The following PRCD variants were observed in gnomAD, a reference collection of about 807,000 sequenced individuals.
PRCD encodes the protein photoreceptor disk component PRCD.
In PRCD, 12 loss-of-function variants were observed where a neutral mutation model predicts 10.1. The ratio of observed to expected loss-of-function variants is 1.18; its 90% CI spans 0.76 to 1.92. The LOEUF (loss-of-function observed/expected upper bound fraction) is 1.92, where lower values mean the gene tolerates loss of function less well. Ranked by LOEUF, PRCD falls within the 40% of genes most tolerant of loss-of-function variation. PRCD has a pLI of 0.00. For missense variants in PRCD, 61 were observed against 72.2 expected, an observed-to-expected ratio of 0.84 and a Z score of 0.56; for synonymous variants, 31 against 26.2, an observed-to-expected ratio of 1.18 and a Z score of -0.56.
Position 76,528,990 on chromosome 17 carries a change from A to T in PRCD, n.45+1157A>T, listed in dbSNP as rs982014811. On this transcript the variant is annotated intron_variant and non_coding_transcript_variant, in intron 1 of 4. Transcript: ENST00000397633. This position sits in a 1 kb window ranked among gnomAD's most constrained non-coding sequence, Gnocchi z 5.8. ...GGCCTGTCTCGTCCCTCCTCGGGCC[A>T]CCCATCTGTATTCTCGTATTCTCGG... 5.0e-6 allele frequency: 5 copies of T among 1,009,004 alleles called. No individual in the cohort carries two copies. The African/African-American group carries it at 8.6e-5, about 17-fold the overall frequency. 62.5% of individuals were successfully genotyped at this position (1,009,004 alleles called of 1,614,324 possible).
chr17:76,543,007 C>A lies in PRCD; in HGVS notation c.*60-22C>A, dbSNP rs189989055. On this transcript the variant is annotated intron_variant, in intron 3 of 4. Coordinates refer to ENST00000592014, the MANE Select transcript of PRCD (RefSeq NM_001077620.3). ...CCCCAGGTGTGGGAGAAGTGCTGAT[C>A]TGCTCTGGTTTTCTGTTTCAGCTCA... is the stretch of plus-strand genomic sequence containing the variant. 6.2e-6 allele frequency: 3 copies of A among 484,004 alleles called. No homozygotes were observed. In the Admixed American group the frequency reaches 7.0e-5, roughly 11 times the overall value. The allele number at this position is 484,004 out of a possible 1,614,324, so 30.0% of individuals were successfully genotyped here. A position where few individuals can be genotyped will look rare whatever the true frequency, so the allele number is the denominator to read the frequency against.
At chr17:76,537,313 G>A (rs2074928425), upstream of PRCD, 1 of 1,375,842 alleles carries the variant, frequency 7.3e-7, no homozygotes. Context: ...GGTGGCGCTG[G>A]AGCTCGGACC....
At chr17:76,539,433 T>G (rs149590100), upstream of PRCD, among the ~76,000 whole-genome samples, 86 of 152,368 alleles carry the variant, frequency 5.6e-4, 2 homozygotes, top group East Asian at 0.015. Context: ...CACACTTGAA[T>G]TCTGCCTTTT....
At chr17:76,529,532 CT>C in intron 1 of PRCD, 3 of 985,466 alleles carry the variant, frequency 3.0e-6, no homozygotes, top group Non-Finnish European at 3.6e-6. Context: ...AGCCAGCTCT[CT>C]TTCCAGTCTC....
Position 76,542,251 on chromosome 17 carries a change from C to A in PRCD, c.144-302C>A, listed in dbSNP as rs1037324232. Reference sequence around the variant, plus strand: ...TGAGGACCATCTGGCCAGGCCTGGCCTGGCGTGACTTAGCCAGAAGGAAGC... The same window carrying A: ...TGAGGACCATCTGGCCAGGCCTGGCATGGCGTGACTTAGCCAGAAGGAAGC... On this transcript the variant is annotated intron_variant, in intron 2 of 4. Coordinates refer to ENST00000592014, the MANE Select transcript of PRCD (RefSeq NM_001077620.3). 1.3e-5 allele frequency among the ~76,000 whole-genome samples: 2 copies of A among 152,190 alleles called. 1 individual carries two copies. The highest frequency in any genetic ancestry group is 4.1e-4 in the South Asian group (2 of 4,828).
At chr17:76,538,421 CT>C, upstream of PRCD, 1 of 446,126 alleles carries the variant, frequency 2.2e-6, no homozygotes, top group Non-Finnish European at 4.7e-6. Context: ...GCCCCCTCTC[CT>C]TCCGCCCAGC....
upstream of PRCD, among the ~76,000 whole-genome samples, chr17:76,539,322 A>T (rs1384546477): frequency 1.3e-5 from 2 of 152,222 alleles, no homozygotes. Flanking sequence ...TTTTCATCTC[A>T]TCCTTTGCAA....
upstream of PRCD, chr17:76,537,375 C>G: frequency 6.4e-7 from 1 of 1,572,110 alleles, no homozygotes; most frequent in Non-Finnish European, 8.6e-7. Context: ...CTGCCCAGGG[C>G]CCGGCCGGGC....
chr17:76,552,092 G>C (rs2075113239), intron 1 of PRCD: 1 of 152,076 alleles, frequency 6.6e-6, no homozygotes, highest in African/African-American at 2.4e-5. Context: ...CCATTCTTCT[G>C]GGAAGAATTA....
At chr17:76,550,138 T>G (rs1304741092), downstream of PRCD, 2 of 151,870 alleles carry the variant, frequency 1.3e-5, no homozygotes, top group Non-Finnish European at 2.9e-5. Flanking sequence ...GTATTTTTAG[T>G]AGAGACGGGG....
upstream of PRCD, chr17:76,527,680 C>A (rs1411689874): frequency 2.2e-6 from 1 of 454,000 alleles, no homozygotes; most frequent in South Asian, 1.6e-5. Flanking sequence ...GTGGTCCCGC[C>A]GACCTGCTGC....
chr17:76,530,669 G>A lies in PRCD; in HGVS notation n.45+2836G>A, dbSNP rs1232942097. ...CGGACCTTACCGCCAGGAGCCTCTG[G>A]CGCCTCTCTGCCTGGGCAGCTGTGG... On this transcript the variant is annotated intron_variant and non_coding_transcript_variant, in intron 1 of 4. Coordinates refer to the PRCD transcript ENST00000397633. The surrounding 1 kb of genome is among the most constrained non-coding windows in gnomAD (Gnocchi z 6.1). 6.6e-6 allele frequency among the ~76,000 whole-genome samples: 1 copy of A among 152,176 alleles called. No homozygotes were observed. The highest frequency in any genetic ancestry group is 2.4e-5 in the African/African-American group (1 of 41,434).
At chr17:76,532,510 A>G (rs1444520881) in intron 1 of PRCD, among the ~76,000 whole-genome samples, 1 of 148,476 alleles carries the variant, frequency 6.7e-6, no homozygotes, top group Non-Finnish European at 1.5e-5. Context: ...GGGGCCCTGC[A>G]GTGTGAAAAA....
chr17:76,539,305 C>G (rs1398801285), upstream of PRCD, among the ~76,000 whole-genome samples: 2 of 152,198 alleles, frequency 1.3e-5, no homozygotes, highest in Admixed American at 1.3e-4. Flanking sequence ...AATCGTGTAA[C>G]TATTTCTTTT....
intron 1 of PRCD, chr17:76,551,830 G>A (rs1309227770): frequency 6.6e-6 from 1 of 151,828 alleles, no homozygotes; most frequent in Admixed American, 6.6e-5. Context: ...TGGATTGTTT[G>A]AGTTCAGATC....
intron 4 of PRCD, 175 bp downstream of exon 4, chr17:76,543,296 C>A: frequency 2.8e-6 from 1 of 351,628 alleles, no homozygotes; most frequent in Non-Finnish European, 5.6e-6. Context: ...GACTGCTGAG[C>A]CTGAGAAAGC....
Position 76,544,482 on chromosome 17 carries a change from G to A in PRCD, c.*832G>A, listed in dbSNP as rs1288095556. On this transcript the variant is annotated 3_prime_UTR_variant, in exon 5 of 5. Transcript: ENST00000592014. ...GTACCTCGGGGAGCCTGGCTGGGGT[G>A]TGTGCGAAGGCAGTTCTGTGGGAGC... 2 of 455,766 alleles carry A rather than the reference G, an allele frequency of 4.4e-6. No homozygotes were observed. Among genetic ancestry groups the A allele is most frequent in the Non-Finnish European group, 8.8e-6 (2 of 227,006 alleles). The allele number at this position is 455,766 out of a possible 1,614,324, so 28.2% of individuals were successfully genotyped here.
chr17:76,551,903 T>C (rs1236547922), intron 1 of PRCD: 3 of 139,028 alleles, frequency 2.2e-5, no homozygotes, highest in Non-Finnish European at 4.5e-5. Flanking sequence ...AGCTGTGAAA[T>C]GGGAAGGTGG....
At chr17:76,542,909 T>C (rs2075008625) in intron 3 of PRCD, 120 bp from the exon 4 acceptor site, 4 of 582,868 alleles carry the variant, frequency 6.9e-6, no homozygotes, top group South Asian at 6.2e-5. Flanking sequence ...TGCTGGGGCA[T>C]GAGGGCAGTG....
Sources: allele counts gnomAD v4.1 joint callset (sites outside exome capture counted in the v4.1 genomes callset), GRCh38; gene constraint gnomAD v4.1.1; non-coding constraint Gnocchi (gnomAD v3.1); transcripts MANE v1.5; gene names NCBI Gene and HGNC (gene_info 2026-07-23, HGNC 2026-07-21).